IRGM: variants seen among roughly 807,000 people sequenced by gnomAD.
The protein encoded by IRGM is immunity related GTPase M, also known as immunity-related GTPase family M protein.
For missense variants in IRGM, 288 were observed against 219.9 expected, an observed-to-expected ratio of 1.31 and a Z score of -1.96; for synonymous variants, 98 against 80.6, an observed-to-expected ratio of 1.22 and a Z score of -1.16.
intron 1 of IRGM, among the ~76,000 whole-genome samples, chr5:150,864,777 T>C (rs191247030): frequency 6.5e-4 from 99 of 152,374 alleles, no homozygotes; most frequent in African/African-American, 2.1e-3. Flanking sequence ...AAGCCACTAT[T>C]GTAAATGCAA....
chr5:150,864,003 A>C (rs1754171943), intron 1 of IRGM, among the ~76,000 whole-genome samples: 1 of 152,208 alleles, frequency 6.6e-6, no homozygotes, highest in Admixed American at 6.5e-5. Context: ...AGGTAAAGCC[A>C]TAGGTAACAG....
Position 150,848,189 on chromosome 5 carries a change from C to T in IRGM, c.66C>T (p.Ile22=). ...ACTTGCCAGAGGTGATCTCTAACAT[C>T]AAGGAGACTCTGAAGATAGTGTCCA... The part of the protein sequence containing the change: ...DGNLPEVISN[I]KETLKIVSRT... The change falls in exon 2 of 2, where the codon ATC becomes ATT. Residue 22 remains isoleucine, a synonymous_variant. Transcript: ENST00000522154. The T allele has an allele frequency of 6.4e-7, 1 of 1,551,642 alleles. No homozygotes were observed. The highest frequency in any genetic ancestry group is 1.2e-5 in the South Asian group (1 of 84,056).
intron 1 of IRGM, among the ~76,000 whole-genome samples, chr5:150,876,047 T>C (rs1754357859): frequency 6.6e-6 from 1 of 152,242 alleles, no homozygotes; most frequent in South Asian, 2.1e-4. Flanking sequence ...GCACTCACTT[T>C]ACGGCTAAAG....
chr5:150,879,154 A>G (rs1008775361), intron 2 of IRGM, among the ~76,000 whole-genome samples: 3 of 152,228 alleles, frequency 2.0e-5, no homozygotes, highest in Non-Finnish European at 4.4e-5. Context: ...TGTTAGATGC[A>G]TAAGAAAAGG....
chr5:150,849,160 T>A (rs1753935209), downstream of IRGM, among the ~76,000 whole-genome samples: 1 of 150,374 alleles, frequency 6.7e-6, no homozygotes, highest in South Asian at 2.1e-4. Context: ...AATAAAGACT[T>A]CTGGGCTTAA....
At chr5:150,885,247 G>C (rs905611486) in intron 3 of IRGM, among the ~76,000 whole-genome samples, 1 of 151,984 alleles carries the variant, frequency 6.6e-6, no homozygotes, top group Non-Finnish European at 1.5e-5. Flanking sequence ...TTATTTTGGA[G>C]CTCTCTATCC....
chr5:150,902,086 C>T (rs1755013120), downstream of IRGM, among the ~76,000 whole-genome samples: 1 of 152,080 alleles, frequency 6.6e-6, no homozygotes, highest in Non-Finnish European at 1.5e-5. Context: ...CACTGATTAT[C>T]CTGGGAGAAG....
At chr5:150,853,832 AT>A (rs756898734) in intron 1 of IRGM, among the ~76,000 whole-genome samples, 31 of 152,222 alleles carry the variant, frequency 2.0e-4, no homozygotes, top group Middle Eastern at 3.4e-3. Context: ...TAAAGTATCT[AT>A]AAAAACAACA....
At chr5:150,871,111 A>T (rs1754277380) in intron 1 of IRGM, among the ~76,000 whole-genome samples, 1 of 152,222 alleles carries the variant, frequency 6.6e-6, no homozygotes, top group African/African-American at 2.4e-5. Context: ...TAGCCAGGTG[A>T]AACTGAAAGC....
At chr5:150,886,219 A>G (rs1240929241) in intron 3 of IRGM, among the ~76,000 whole-genome samples, 1 of 151,942 alleles carries the variant, frequency 6.6e-6, no homozygotes, top group Non-Finnish European at 1.5e-5. Flanking sequence ...TTATTTTCTT[A>G]TGTTGAAGCA....
downstream of IRGM, among the ~76,000 whole-genome samples, chr5:150,853,404 T>C (rs1406632463): frequency 6.6e-6 from 1 of 152,152 alleles, no homozygotes; most frequent in Admixed American, 6.5e-5. Flanking sequence ...TATATTCTAA[T>C]GGAATCTTGT....
intron 1 of IRGM, among the ~76,000 whole-genome samples, chr5:150,855,472 T>C (rs1157769639): frequency 3.3e-5 from 5 of 152,160 alleles, no homozygotes; most frequent in African/African-American, 4.8e-5. Flanking sequence ...GAGAAGTGAC[T>C]GAAACGGTTT....
intron 3 of IRGM, among the ~76,000 whole-genome samples, chr5:150,893,897 C>T (rs1443265642): frequency 6.6e-6 from 1 of 151,900 alleles, no homozygotes; most frequent in African/African-American, 2.4e-5. Context: ...CTTTTCCCAC[C>T]CCAACAATAT....
chr5:150,869,497 A>G (rs12054923), intron 1 of IRGM, among the ~76,000 whole-genome samples: 26,057 of 152,052 alleles, frequency 0.17, 3,193 homozygotes, highest in East Asian at 0.43. Context: ...ACTTCATAGA[A>G]TGATTTAGAG....
At chr5:150,898,006 AACAT>A in intron 3 of IRGM, 1 of 1,571,416 alleles carries the variant, frequency 6.4e-7, no homozygotes, top group Non-Finnish European at 8.6e-7. Context: ...TAAGGATAGA[AACAT>A]AAACCTCAGG....
At chr5:150,898,371 A>G in intron 3 of IRGM, 1 of 1,612,708 alleles carries the variant, frequency 6.2e-7, no homozygotes, top group Non-Finnish European at 8.5e-7. Flanking sequence ...CACAGCAACT[A>G]GTAAGGAAAG....
chr5:150,858,279 G>A (rs1474342664), intron 1 of IRGM, among the ~76,000 whole-genome samples: 15 of 151,946 alleles, frequency 9.9e-5, no homozygotes, highest in Non-Finnish European at 2.9e-5. Context: ...TGTTCCATTG[G>A]TCTATATCTC....
chr5:150,899,060 A>C (rs1464309397), intron 3 of IRGM, among the ~76,000 whole-genome samples: 1 of 152,080 alleles, frequency 6.6e-6, no homozygotes, highest in African/African-American at 2.4e-5. Flanking sequence ...AAAGACATGC[A>C]TAGAGGGAAG....
At chr5:150,895,636 G>A (rs1334282990) in intron 3 of IRGM, 1 of 1,613,180 alleles carries the variant, frequency 6.2e-7, no homozygotes, top group South Asian at 1.1e-5. Flanking sequence ...CCCGGAAGGT[G>A]GGACTTCTGA....
Sources: allele counts gnomAD v4.1 joint callset (sites outside exome capture counted in the v4.1 genomes callset), GRCh38; gene constraint gnomAD v4.1.1; transcripts MANE v1.5; gene names NCBI Gene and HGNC (gene_info 2026-07-23, HGNC 2026-07-21).